DIP2A: variants seen among roughly 807,000 people sequenced by gnomAD.
The protein encoded by DIP2A is DIP2 acetate--CoA ligase A.
Under a neutral mutation model 177.4 loss-of-function variants are expected in DIP2A, and 85 were observed. The observed-to-expected ratio is 0.48, with a 90% CI of 0.40 to 0.57. The LOEUF is 0.57. DIP2A is among the 20% of genes least tolerant of loss of function. The pLI, the probability that DIP2A is intolerant of heterozygous loss-of-function variation, is 0.00. For missense variants in DIP2A, 1,791 were observed against 2,100.2 expected (o/e 0.85, Z 2.88); for synonymous variants, 886 against 881.8 (o/e 1.00, Z -0.08).
intron 18 of DIP2A, among the ~76,000 whole-genome samples, chr21:46,544,178 C>T (rs1490123885): frequency 1.3e-5 from 2 of 151,712 alleles, no homozygotes; most frequent in Non-Finnish European, 2.9e-5. Context: ...TTGTGGGAGG[C>T]GAAGGCAGCA....
At chr21:46,510,415 C>T (rs1007024952) in intron 7 of DIP2A, among the ~76,000 whole-genome samples, 2 of 152,154 alleles carry the variant, frequency 1.3e-5, no homozygotes, top group Admixed American at 6.6e-5. Context: ...GAATACTTTG[C>T]ATCCTTCAAT....
intron 1 of DIP2A, among the ~76,000 whole-genome samples, chr21:46,473,791 T>C (rs1230427792): frequency 6.6e-6 from 1 of 152,142 alleles, no homozygotes; most frequent in Non-Finnish European, 1.5e-5. Context: ...GCTGGAATTA[T>C]AGGCGTGAAC....
intron 20 of DIP2A, 104 bp from the exon 21 acceptor site, chr21:46,546,811 G>A (rs1180070701): frequency 1.5e-6 from 2 of 1,356,846 alleles, no homozygotes; most frequent in East Asian, 2.4e-5. Flanking sequence ...AGGCGCTAGA[G>A]GCTCCTGTGC....
chr21:46,581,220 T>A, the DIP2A span, among the ~76,000 whole-genome samples: 2 of 152,234 alleles, frequency 1.3e-5, no homozygotes, highest in African/African-American at 4.8e-5. Context: ...GATTCTTTGT[T>A]CCACTTGGTC....
intron 15 of DIP2A, 100 bp from the exon 16 acceptor site, chr21:46,538,382 GC>G: frequency 6.8e-7 from 1 of 1,463,018 alleles, no homozygotes; most frequent in South Asian, 1.4e-5. Context: ...GTCTGTCTGT[GC>G]ATGTACACCT....
rs2255397 is a variant in DIP2A at position 46,550,668 on chromosome 21, G to A, written c.2763G>A (p.Thr921=). 0.22 allele frequency: 357,224 copies of A among 1,613,622 alleles called. 41,510 individuals carry two copies. The highest frequency in any genetic ancestry group is 0.33 in the Admixed American group (19,606 of 59,958). Residue 921 remains threonine (T), a synonymous_variant, in exon 23 of 38, where the codon ACG becomes ACA. Transcript: ENST00000417564. ...SETKQRFLEG[T]LHPCNVLMCP... is the part of the protein sequence containing the mutation. ...CCAAACAGCGCTTTCTGGAAGGGACGCTGCACCCGTGTAATGTGCTGATGT... is the reference window on the plus strand; with the variant it reads ...CCAAACAGCGCTTTCTGGAAGGGACACTGCACCCGTGTAATGTGCTGATGT...
chr21:46,524,059 C>T (rs1214443345), intron 8 of DIP2A, among the ~76,000 whole-genome samples: 1 of 152,212 alleles, frequency 6.6e-6, no homozygotes, highest in Admixed American at 6.5e-5. Flanking sequence ...TTCCAGCTGT[C>T]CCGTCAGCTC....
the DIP2A span, among the ~76,000 whole-genome samples, chr21:46,581,409 G>T: frequency 6.6e-6 from 1 of 152,142 alleles, no homozygotes; most frequent in Non-Finnish European, 1.5e-5. Flanking sequence ...TTAGCTCAAT[G>T]GAGTTCGTTA....
chr21:46,561,120 G>T (rs1327267400), intron 33 of DIP2A: 2 of 710,612 alleles, frequency 2.8e-6, no homozygotes, highest in South Asian at 1.3e-4. Flanking sequence ...TGTGACATTT[G>T]GTTCTTTAGA....
intron 1 of DIP2A, among the ~76,000 whole-genome samples, chr21:46,478,412 A>G (rs912617850): frequency 6.6e-6 from 1 of 152,044 alleles, no homozygotes; most frequent in Non-Finnish European, 1.5e-5. Flanking sequence ...GGGTTTCTCC[A>G]TGTTGGTCAG....
At chr21:46,475,544 TCA>T (rs1262228499) in intron 1 of DIP2A, among the ~76,000 whole-genome samples, 4 of 152,388 alleles carry the variant, frequency 2.6e-5, no homozygotes, top group South Asian at 4.1e-4. Context: ...GCCACAGGCT[TCA>T]GTTTGAAAGT....
At chr21:46,489,723 T>C (rs2056898324) in intron 2 of DIP2A, among the ~76,000 whole-genome samples, 1 of 152,184 alleles carries the variant, frequency 6.6e-6, no homozygotes, top group Admixed American at 6.5e-5. Context: ...ATGAAACATT[T>C]TGAAACAAAG....
chr21:46,536,177 C>G (rs184635259), intron 13 of DIP2A, among the ~76,000 whole-genome samples: 2 of 152,344 alleles, frequency 1.3e-5, no homozygotes, highest in East Asian at 3.9e-4. Flanking sequence ...ACAGCATTTC[C>G]TGGCACACAA....
At chr21:46,517,928 T>C (rs2058659637) in intron 8 of DIP2A, among the ~76,000 whole-genome samples, 1 of 152,254 alleles carries the variant, frequency 6.6e-6, no homozygotes, top group Non-Finnish European at 1.5e-5. Flanking sequence ...TAGTTGTCTT[T>C]GCTGAGCAGC....
intron 8 of DIP2A, among the ~76,000 whole-genome samples, chr21:46,519,009 A>G (rs2058704367): frequency 6.6e-6 from 1 of 152,212 alleles, no homozygotes. Context: ...GGGGTGGATT[A>G]TTCATAAATT....
chr21:46,517,051 TCTC>T (rs1414609195), intron 8 of DIP2A, among the ~76,000 whole-genome samples: 1 of 135,108 alleles, frequency 7.4e-6, no homozygotes, highest in African/African-American at 2.7e-5. Flanking sequence ...GTGTTTTCTC[TCTC>T]TTTTTTTTTT....
At chr21:46,547,915 C>T (rs901674015) in intron 21 of DIP2A, among the ~76,000 whole-genome samples, 10 of 152,066 alleles carry the variant, frequency 6.6e-5, no homozygotes, top group Non-Finnish European at 1.0e-4. Context: ...AGCAATCCTC[C>T]CTCCTTGGCC....
rs774833132 is a variant in DIP2A, at chr21:46,546,946, A to G, written c.2426A>G (p.Asp809Gly). The change falls in exon 21 of 38, where the codon GAC becomes GGC. Residue 809 changes from aspartate (D) to glycine (G), a missense_variant. By Grantham distance (94) the Asp-to-Gly change is moderately conservative. Coordinates refer to ENST00000417564, the MANE Select transcript of DIP2A (RefSeq NM_015151.4). ...DNLVFIVGKLDGLMVTGVRRH... is the reference protein window; with the variant it reads ...DNLVFIVGKLGGLMVTGVRRH... ...CTGGTCTTCATCGTGGGCAAACTGG[A>G]CGGGCTGATGGTCACTGGAGTTCGC... 4.3e-6 allele frequency: 7 copies of G among 1,613,924 alleles called. No individual in the cohort carries two copies. In the Admixed American group the frequency reaches 5.0e-5, roughly 12 times the overall value.
chr21:46,547,287 C>T (rs2060092619), intron 21 of DIP2A: 1 of 1,187,656 alleles, frequency 8.4e-7, no homozygotes, highest in Non-Finnish European at 1.1e-6. Flanking sequence ...AAATTTGGGG[C>T]AAAGGCTCAA....
Sources: gnomAD v4.1 joint callset for allele counts (sites outside exome capture counted in the v4.1 genomes callset) on GRCh38, gnomAD v4.1.1 for gene constraint, MANE v1.5 for transcripts, NCBI Gene and HGNC (gene_info 2026-07-23, HGNC 2026-07-21) for gene names.